The following KSR1 variants were observed in gnomAD, a reference collection of about 807,000 sequenced individuals.
The protein encoded by KSR1 is kinase suppressor of ras.
A neutral mutation model predicts 92.9 loss-of-function variants in KSR1; 35 were observed. That is an observed-to-expected ratio of 0.38 (90% CI 0.29 to 0.50). The LOEUF is 0.50. KSR1 is among the 20% of genes least tolerant of loss of function. KSR1 has a pLI of 0.94. For synonymous variants in KSR1, 467 were observed against 472.6 expected, an observed-to-expected ratio of 0.99 and a Z score of 0.15; for missense variants, 972 against 1,158.5, an observed-to-expected ratio of 0.84 and a Z score of 2.34.
intron 1 of KSR1, among the ~76,000 whole-genome samples, chr17:27,529,070 A>G (rs993612926): frequency 1.3e-5 from 2 of 152,238 alleles, no homozygotes; most frequent in African/African-American, 4.8e-5. Flanking sequence ...GTAAATAATA[A>G]AACTTTCCAG....
intron 1 of KSR1, among the ~76,000 whole-genome samples, chr17:27,499,432 T>C (rs1202475458): frequency 6.6e-6 from 1 of 152,180 alleles, no homozygotes; most frequent in East Asian, 1.9e-4. Flanking sequence ...GCAAAAATTA[T>C]CCCAGCTTTT....
intron 2 of KSR1, among the ~76,000 whole-genome samples, chr17:27,555,574 C>T (rs1328954213): frequency 1.3e-5 from 2 of 152,026 alleles, no homozygotes; most frequent in African/African-American, 4.8e-5. Context: ...TGCTTTCTGA[C>T]ACTACAGTAT....
rs1158293422 is a variant in KSR1, at chr17:27,625,186, C to G, written c.*1794C>G. 1 of 152,256 alleles carries G rather than the reference C, an allele frequency of 6.6e-6. No homozygotes were observed. Among genetic ancestry groups the G allele is most frequent in the East Asian group, 1.9e-4 (1 of 5,182 alleles). 9.4% of individuals were successfully genotyped at this position (152,256 alleles called of 1,614,324 possible). On this transcript the variant is annotated 3_prime_UTR_variant, in exon 21 of 21. Transcript: ENST00000644974. ...TTCACCTTTCTATTGCAATGGTGGC[C>G]TTTGTCCAGGCAAGAGCAGGCCTGA...
chr17:27,518,936 A>G (rs1434968069), intron 1 of KSR1, among the ~76,000 whole-genome samples: 2 of 152,198 alleles, frequency 1.3e-5, no homozygotes, highest in Non-Finnish European at 2.9e-5. Context: ...TTAGCCCTGC[A>G]TAGCACAGTA....
chr17:27,497,281 G>A (rs1052501380), intron 1 of KSR1, among the ~76,000 whole-genome samples: 9 of 152,238 alleles, frequency 5.9e-5, no homozygotes, highest in African/African-American at 1.9e-4. Context: ...GGGGAAGATT[G>A]AATAACCAGT....
intron 1 of KSR1, among the ~76,000 whole-genome samples, chr17:27,491,690 A>T (rs1009325396): frequency 6.6e-6 from 1 of 152,168 alleles, no homozygotes; most frequent in African/African-American, 2.4e-5. Context: ...AAGGGAAATA[A>T]AAGTATGCTG....
chr17:27,621,643 T>C (rs2074226994), intron 20 of KSR1, among the ~76,000 whole-genome samples: 2 of 152,178 alleles, frequency 1.3e-5, no homozygotes, highest in African/African-American at 2.4e-5. Flanking sequence ...AAGTAGATTT[T>C]ACTCGTCAAG....
intron 2 of KSR1, among the ~76,000 whole-genome samples, chr17:27,562,646 A>G (rs2071880719): frequency 6.6e-6 from 1 of 152,232 alleles, no homozygotes; most frequent in Non-Finnish European, 1.5e-5. Context: ...GCTCTAGAAC[A>G]GATCTGACTA....
intron 2 of KSR1, among the ~76,000 whole-genome samples, chr17:27,574,538 C>T (rs946331350): frequency 2.0e-5 from 3 of 152,142 alleles, no homozygotes; most frequent in African/African-American, 4.8e-5. Context: ...AAGCATCTGC[C>T]GTCAGCGGGT....
At chr17:27,457,230 T>A (rs967665606) in intron 1 of KSR1, among the ~76,000 whole-genome samples, 2 of 151,682 alleles carry the variant, frequency 1.3e-5, no homozygotes, top group African/African-American at 4.8e-5. Flanking sequence ...CTTTTCCCCG[T>A]GTGACTGAGC....
intron 1 of KSR1, among the ~76,000 whole-genome samples, chr17:27,524,091 T>TGAGTG (rs1397453946): frequency 6.6e-6 from 1 of 152,044 alleles, no homozygotes; most frequent in African/African-American, 2.4e-5. Flanking sequence ...CTGGAGCTTA[T>TGAGTG]GAGTGGAGTG....
intron 19 of KSR1, chr17:27,620,901 C>A: frequency 3.5e-6 from 1 of 288,508 alleles, no homozygotes; most frequent in Non-Finnish European, 6.4e-6. Flanking sequence ...CCTGCCCAGC[C>A]CCTTCGAGGA....
intron 1 of KSR1, among the ~76,000 whole-genome samples, chr17:27,513,326 C>T (rs1014527585): frequency 2.0e-5 from 3 of 151,984 alleles, no homozygotes; most frequent in African/African-American, 4.8e-5. Context: ...TGCGGTGGCT[C>T]ATGTCTGTAA....
intron 1 of KSR1, among the ~76,000 whole-genome samples, chr17:27,487,130 G>GT (rs2068688644): frequency 6.6e-6 from 1 of 152,184 alleles, no homozygotes; most frequent in African/African-American, 2.4e-5. Flanking sequence ...AGACTGGGTA[G>GT]TTTATTTAAG....
intron 1 of KSR1, among the ~76,000 whole-genome samples, chr17:27,472,390 G>A (rs1410356249): frequency 3.3e-5 from 5 of 152,228 alleles, no homozygotes; most frequent in Admixed American, 6.5e-5. Flanking sequence ...GCACCATTTC[G>A]TTTGGAGGAG....
chr17:27,569,510 G>T (rs2072222283), intron 2 of KSR1, among the ~76,000 whole-genome samples: 1 of 152,238 alleles, frequency 6.6e-6, no homozygotes, highest in South Asian at 2.1e-4. Context: ...TGTGTTTGGG[G>T]GTTGCCAAAC....
At chr17:27,598,392 C>T (rs1157803760) in intron 10 of KSR1, among the ~76,000 whole-genome samples, 1 of 152,206 alleles carries the variant, frequency 6.6e-6, no homozygotes, top group African/African-American at 2.4e-5. Context: ...AGGAGATCCC[C>T]AGCTGGAGCC....
intron 1 of KSR1, among the ~76,000 whole-genome samples, chr17:27,473,508 G>T (rs563729837): frequency 6.6e-6 from 1 of 152,264 alleles, no homozygotes; most frequent in South Asian, 2.1e-4. Flanking sequence ...GGTGGGAGAG[G>T]GGCATCCTTG....
intron 4 of KSR1, 108 bp downstream of exon 4, chr17:27,583,213 C>A: frequency 1.3e-6 from 1 of 759,342 alleles, no homozygotes; most frequent in Non-Finnish European, 2.1e-6. Context: ...TGTGTAAAGT[C>A]AAAAGTAAAA....
Sources: gnomAD v4.1 joint callset for allele counts (sites outside exome capture counted in the v4.1 genomes callset) on GRCh38, gnomAD v4.1.1 for gene constraint, MANE v1.5 for transcripts, NCBI Gene and HGNC (gene_info 2026-07-23, HGNC 2026-07-21) for gene names.